The following XKR4 variants were observed in gnomAD, a reference collection of about 807,000 sequenced individuals.
The protein encoded by XKR4 is XK related 4, also known as XK-related protein 4.
XKR4 carries 12 observed loss-of-function variants against 53.9 expected under a neutral mutation model. That is an observed-to-expected ratio of 0.22 (90% CI 0.14 to 0.36). The LOEUF (loss-of-function observed/expected upper bound fraction) is 0.36, where lower values mean the gene tolerates loss of function less well. Among genes scored for constraint, XKR4 ranks in the 10% least tolerant of loss-of-function variants. The pLI is 1.00. For synonymous variants in XKR4, 354 were observed against 362.4 expected (o/e 0.98, Z 0.26); for missense variants, 799 against 859.5 (o/e 0.93, Z 0.88).
At chr8:55,302,068 C>A (rs1040283227) in intron 1 of XKR4, among the ~76,000 whole-genome samples, 2 of 151,940 alleles carry the variant, frequency 1.3e-5, no homozygotes, top group African/African-American at 4.8e-5. Flanking sequence ...GAAGTCCTTG[C>A]CCATGCCTAT....
intron 1 of XKR4, among the ~76,000 whole-genome samples, chr8:55,116,429 A>G (rs777848200): frequency 6.6e-6 from 1 of 152,158 alleles, no homozygotes; most frequent in South Asian, 2.1e-4. Context: ...GAGGCCCACA[A>G]GGCACAGGTT....
intron 1 of XKR4, among the ~76,000 whole-genome samples, chr8:55,353,861 T>C (rs1563330991): frequency 6.6e-6 from 1 of 152,098 alleles, no homozygotes; most frequent in Admixed American, 6.6e-5. Context: ...CCCATGAAAG[T>C]CCCTGTAAAG....
chr8:55,466,915 GTTT>G (rs1362176658), intron 2 of XKR4, among the ~76,000 whole-genome samples: 2 of 152,120 alleles, frequency 1.3e-5, no homozygotes, highest in Non-Finnish European at 2.9e-5. Flanking sequence ...AAATTTATTA[GTTT>G]TTGATTTTGC....
chr8:55,227,806 G>T (rs1248707885), intron 1 of XKR4, among the ~76,000 whole-genome samples: 1 of 152,240 alleles, frequency 6.6e-6, no homozygotes, highest in African/African-American at 2.4e-5. Flanking sequence ...ACTGCTCCCT[G>T]CTGTGCATGG....
At chr8:55,221,436 C>T (rs879423881) in intron 1 of XKR4, among the ~76,000 whole-genome samples, 1 of 152,112 alleles carries the variant, frequency 6.6e-6, no homozygotes, top group Non-Finnish European at 1.5e-5. Flanking sequence ...CCTGAGCAGC[C>T]CCTCCCTTGA....
chr8:55,421,809 A>C, intron 2 of XKR4, among the ~76,000 whole-genome samples: 1 of 152,320 alleles, frequency 6.6e-6, no homozygotes, highest in South Asian at 2.1e-4. Flanking sequence ...TTGTATTTAA[A>C]TTGAACTGAG....
At chr8:55,308,885 C>T (rs1456037022) in intron 1 of XKR4, among the ~76,000 whole-genome samples, 1 of 152,174 alleles carries the variant, frequency 6.6e-6, no homozygotes. Flanking sequence ...TGCTTATCAG[C>T]TGTCCTGGAA....
intron 2 of XKR4, among the ~76,000 whole-genome samples, chr8:55,389,045 A>G (rs932978749): frequency 1.3e-5 from 2 of 152,214 alleles, no homozygotes; most frequent in African/African-American, 4.8e-5. Context: ...TTCTTTTAAA[A>G]AGGGGCAATT....
intron 2 of XKR4, chr8:55,449,986 A>C (rs746507669): frequency 9.8e-6 from 8 of 820,222 alleles, no homozygotes; most frequent in East Asian, 5.1e-5. Context: ...CTGCAGGTAC[A>C]TACCCAGCGA....
intron 2 of XKR4, among the ~76,000 whole-genome samples, chr8:55,384,716 G>A (rs1302724822): frequency 2.0e-5 from 3 of 152,210 alleles, no homozygotes; most frequent in Non-Finnish European, 4.4e-5. Context: ...AATAATGATA[G>A]TAAATGTAAG....
At chr8:55,454,550 T>TGGGCA in intron 2 of XKR4, 1 of 1,432,494 alleles carries the variant, frequency 7.0e-7, no homozygotes, top group Non-Finnish European at 9.6e-7. Flanking sequence ...CAGCTGCTGA[T>TGGGCA]GGGCAGGGAG....
intron 2 of XKR4, among the ~76,000 whole-genome samples, chr8:55,372,404 C>T (rs1346789327): frequency 6.6e-6 from 1 of 152,198 alleles, no homozygotes; most frequent in Non-Finnish European, 1.5e-5. Flanking sequence ...TATCAACACA[C>T]TGTAATTATT....
At position 55,102,280 on chromosome 8, in the gene XKR4, G is replaced by A; in HGVS notation, c.-209G>A. On this transcript the variant is annotated 5_prime_UTR_variant, in exon 1 of 3. Coordinates refer to ENST00000327381, the MANE Select transcript of XKR4 (RefSeq NM_052898.2). This position sits in a 1 kb window ranked among gnomAD's most constrained non-coding sequence, Gnocchi z 5.1. Reference sequence around the variant, plus strand: ...AGGCAGCCAGGCGGCGCTCCTGCCGGCCCCAGGCGCGCCGCTAGCCCGGCC... The same window carrying A: ...AGGCAGCCAGGCGGCGCTCCTGCCGACCCCAGGCGCGCCGCTAGCCCGGCC... 1 of 561,440 alleles carries A rather than the reference G, an allele frequency of 1.8e-6. No homozygotes were observed. The highest frequency in any genetic ancestry group is 2.2e-6 in the Non-Finnish European group (1 of 445,316). 34.8% of individuals were successfully genotyped at this position (561,440 alleles called of 1,614,324 possible).
intron 2 of XKR4, among the ~76,000 whole-genome samples, chr8:55,404,590 G>A (rs983359292): frequency 6.6e-6 from 1 of 152,132 alleles, no homozygotes; most frequent in Non-Finnish European, 1.5e-5. Flanking sequence ...CATTCATCTC[G>A]CTAACCCACT....
intron 1 of XKR4, among the ~76,000 whole-genome samples, chr8:55,353,826 T>C (rs1022504623): frequency 3.3e-5 from 5 of 152,158 alleles, no homozygotes; most frequent in Non-Finnish European, 7.3e-5. Flanking sequence ...GCTGCAGCCG[T>C]GCAGCGGTGG....
chr8:55,247,858 T>TCTTTCTTTCTTTCTTTCTTTC (rs1554572236), intron 1 of XKR4, among the ~76,000 whole-genome samples: 6 of 97,790 alleles, frequency 6.1e-5, no homozygotes, highest in Non-Finnish European at 1.1e-4. Flanking sequence ...TTTCTTTCTT[T>TCTTTCTTTCTTTCTTTCTTTC]TTTTTTTTTT....
At chr8:55,125,939 G>C (rs1816461760) in intron 1 of XKR4, among the ~76,000 whole-genome samples, 1 of 152,180 alleles carries the variant, frequency 6.6e-6, no homozygotes, top group Non-Finnish European at 1.5e-5. Flanking sequence ...TACACAGGTT[G>C]TATGTCCTTG....
chr8:55,476,620 G>A (rs184500809), intron 2 of XKR4, among the ~76,000 whole-genome samples: 75 of 152,208 alleles, frequency 4.9e-4, no homozygotes, highest in African/African-American at 1.7e-3. Context: ...AGTGCAAGGG[G>A]TCAGGGAGTT....
chr8:55,394,325 A>T (rs1804485933), intron 2 of XKR4, among the ~76,000 whole-genome samples: 1 of 152,228 alleles, frequency 6.6e-6, no homozygotes, highest in Non-Finnish European at 1.5e-5. Flanking sequence ...TCATCTGAGT[A>T]ACTAACTAGA....
Sources: gnomAD v4.1 joint callset for allele counts (sites outside exome capture counted in the v4.1 genomes callset) on GRCh38, gnomAD v4.1.1 for gene constraint, Gnocchi (gnomAD v3.1) non-coding constraint, MANE v1.5 for transcripts, NCBI Gene and HGNC (gene_info 2026-07-23, HGNC 2026-07-21) for gene names.